The following CEACAM21 variants were observed in gnomAD, a reference collection of about 807,000 sequenced individuals.
CEACAM21 encodes the protein cell adhesion molecule CEACAM21.
A neutral mutation model predicts 33.2 loss-of-function variants in CEACAM21; 38 were observed. The observed-to-expected ratio is 1.14, with a 90% CI of 0.88 to 1.50. The LOEUF (loss-of-function observed/expected upper bound fraction) is 1.50. Ranked by LOEUF, CEACAM21 falls within the 40% of genes most tolerant of loss-of-function variation. CEACAM21 has a pLI of 0.00. For synonymous variants in CEACAM21, 156 were observed against 143.0 expected (o/e 1.09, Z -0.65); for missense variants, 385 against 364.6 (o/e 1.06, Z -0.46).
chr19:41,554,604 CA>C (rs1163558734), intron 1 of CEACAM21, among the ~76,000 whole-genome samples: 5 of 152,036 alleles, frequency 3.3e-5, no homozygotes, highest in African/African-American at 1.2e-4. Context: ...AGCCAAATTT[CA>C]CCTTTACATT....
At chr19:41,580,216 AC>A (rs2043270715) in intron 3 of CEACAM21, among the ~76,000 whole-genome samples, 2 of 151,838 alleles carry the variant, frequency 1.3e-5, no homozygotes, top group African/African-American at 4.8e-5. Flanking sequence ...ATGGGATTCC[AC>A]CCTGTTTGGA....
chr19:41,552,037 C>A (rs2041243183), intron 1 of CEACAM21: 2 of 152,176 alleles, frequency 1.3e-5, no homozygotes, highest in African/African-American at 4.8e-5. Flanking sequence ...AGAGAAGGCC[C>A]AGAAAATATC....
At chr19:41,556,972 T>C (rs1228673655) in intron 1 of CEACAM21, among the ~76,000 whole-genome samples, 1 of 152,242 alleles carries the variant, frequency 6.6e-6, no homozygotes, top group Non-Finnish European at 1.5e-5. Context: ...AATTTAGAGA[T>C]TTTTCTAATT....
chr19:41,572,958 C>A (rs1555789899), upstream of CEACAM21, among the ~76,000 whole-genome samples: 1 of 152,174 alleles, frequency 6.6e-6, no homozygotes, highest in Non-Finnish European at 1.5e-5. Context: ...CCCTCCAGAT[C>A]TTCTCCCACC....
intron 1 of CEACAM21, among the ~76,000 whole-genome samples, chr19:41,559,827 G>A (rs1002122244): frequency 5.9e-5 from 9 of 152,168 alleles, no homozygotes; most frequent in Non-Finnish European, 4.4e-5. Context: ...CAGGAAAAGA[G>A]GCTGGATGTG....
upstream of CEACAM21, among the ~76,000 whole-genome samples, chr19:41,576,019 C>G (rs1464019003): frequency 2.0e-5 from 3 of 152,100 alleles, no homozygotes; most frequent in African/African-American, 7.2e-5. Context: ...AAAGTTTTGC[C>G]TAGGGAACCA....
At position 41,577,387 on chromosome 19, in the gene CEACAM21, A is replaced by AGAC. The variant is rs3030812; in HGVS notation, c.253_255dup (p.Asp85dup). On this transcript the variant is annotated inframe_insertion, in exon 2 of 7. Transcript: ENST00000401445. ...ACCAGCTAATCGCAGCATATGTAAT[A>AGAC]GACACTCACGTTAGGACTCCAGGGC... 67,485 of 1,614,082 alleles carry AGAC rather than the reference A, an allele frequency of 0.042. 5,181 individuals are homozygous for AGAC. The highest frequency in any genetic ancestry group is 0.4 in the East Asian group (18,145 of 44,846).
intron 1 of CEACAM21, among the ~76,000 whole-genome samples, chr19:41,554,290 A>T (rs1479377946): frequency 6.6e-6 from 1 of 152,070 alleles, no homozygotes; most frequent in African/African-American, 2.4e-5. Context: ...AGCTGATTAT[A>T]AAATTACCTT....
At chr19:41,574,308 C>T (rs1294050339), upstream of CEACAM21, among the ~76,000 whole-genome samples, 3 of 152,148 alleles carry the variant, frequency 2.0e-5, no homozygotes, top group African/African-American at 7.2e-5. Context: ...TTCAATATGA[C>T]ATCAAGAGCA....
chr19:41,578,723 T>C (rs539846655), intron 2 of CEACAM21, among the ~76,000 whole-genome samples: 194 of 152,302 alleles, frequency 1.3e-3, no homozygotes, highest in African/African-American at 4.5e-3. Context: ...ATGCCAGGAT[T>C]GTCCAAGCCT....
At chr19:41,581,469 C>G (rs141789392) in intron 3 of CEACAM21, among the ~76,000 whole-genome samples, 3 of 152,328 alleles carry the variant, frequency 2.0e-5, no homozygotes, top group African/African-American at 7.2e-5. Context: ...CACTTCACAC[C>G]TCTATATTTC....
chr19:41,586,342 C>A, intron 6 of CEACAM21, 122 bp from the exon 7 acceptor site: 1 of 600,600 alleles, frequency 1.7e-6, no homozygotes, highest in Non-Finnish European at 3.2e-6. Flanking sequence ...GGCCTGGGAG[C>A]AGGAACCCCC....
chr19:41,567,213 A>T (rs1213130457), intron 2 of CEACAM21, among the ~76,000 whole-genome samples: 1 of 152,202 alleles, frequency 6.6e-6, no homozygotes, highest in African/African-American at 2.4e-5. Context: ...GTATTTGTTA[A>T]GGTCCAATAA....
At chr19:41,568,752 A>ATTGCT (rs2042419329) in intron 2 of CEACAM21, among the ~76,000 whole-genome samples, 1 of 152,168 alleles carries the variant, frequency 6.6e-6, no homozygotes, top group Non-Finnish European at 1.5e-5. Context: ...TTTGTTTAAG[A>ATTGCT]TTGCTTTGGC....
At chr19:41,552,612 T>C (rs2041281850) in intron 1 of CEACAM21, among the ~76,000 whole-genome samples, 1 of 152,238 alleles carries the variant, frequency 6.6e-6, no homozygotes, top group African/African-American at 2.4e-5. Flanking sequence ...GCATGATTTC[T>C]ATCATGCTTG....
In CEACAM21 at chr19:41,580,392, A is replaced by C. The variant is rs117018512; in HGVS notation, c.700+764A>C. 2.2e-3 allele frequency among the ~76,000 whole-genome samples: 333 copies of C among 152,162 alleles called. 2 individuals carry two copies. The highest frequency in any genetic ancestry group is 4.0e-3 in the Non-Finnish European group (275 of 67,998). On this transcript the variant is annotated intron_variant, in intron 3 of 6. Transcript: ENST00000401445. ...CTAGGTGTCCTCCAATTCCATCCTG[A>C]CACTATCTACCTGGACATATCAGCA...
At chr19:41,572,833 G>A (rs1340804942), upstream of CEACAM21, among the ~76,000 whole-genome samples, 4 of 152,184 alleles carry the variant, frequency 2.6e-5, no homozygotes, top group African/African-American at 9.7e-5. Context: ...TTCTCACGAG[G>A]TGGTTCTGCT....
At position 41,577,524 on chromosome 19, in the gene CEACAM21, A is replaced by G; in HGVS notation, c.389A>G (p.Gln130Arg). Residue 130 changes from glutamine to arginine, a missense_variant, in exon 2 of 7, where the codon CAG (glutamine) becomes CGG (arginine). By Grantham distance (43) the Gln-to-Arg change is conservative. Coordinates refer to ENST00000401445, the MANE Select transcript of CEACAM21 (RefSeq NM_001098506.4). ...YNLQVTYRNSQIEQASHHLRV... is the reference protein window; with the variant it reads ...YNLQVTYRNSRIEQASHHLRV... Reference sequence around the variant, plus strand: ...CTACAAGTCACATACAGAAATTCTCAGATTGAACAGGCATCTCACCATCTC... The same window carrying G: ...CTACAAGTCACATACAGAAATTCTCGGATTGAACAGGCATCTCACCATCTC... The G allele has an allele frequency of 6.2e-7, 1 of 1,612,250 alleles. No homozygotes were observed. The highest frequency in any genetic ancestry group is 8.5e-7 in the Non-Finnish European group (1 of 1,178,378).
chr19:41,586,374 C>G (rs989223011), intron 6 of CEACAM21, 90 bp from the exon 7 acceptor site: 6 of 611,132 alleles, frequency 9.8e-6, no homozygotes, highest in Non-Finnish European at 1.9e-5. Flanking sequence ...AGGTTCAGTC[C>G]CAGAGTAGCC....
Sources: allele counts gnomAD v4.1 joint callset (sites outside exome capture counted in the v4.1 genomes callset), GRCh38; gene constraint gnomAD v4.1.1; transcripts MANE v1.5; gene names NCBI Gene and HGNC (gene_info 2026-07-23, HGNC 2026-07-21).